The following TASP1 variants were observed in gnomAD, a reference collection of about 807,000 sequenced individuals.
The protein encoded by TASP1 is taspase 1.
Under a neutral mutation model 56.6 loss-of-function variants are expected in TASP1, and 16 were observed. The ratio of observed to expected loss-of-function variants is 0.28; its 90% CI spans 0.19 to 0.43. TASP1 has a LOEUF of 0.43. Among genes scored for constraint, TASP1 ranks in the 20% least tolerant of loss-of-function variants. The pLI, the probability that TASP1 is intolerant of heterozygous loss-of-function variation, is 1.00. For missense variants in TASP1, 393 were observed against 511.6 expected (o/e 0.77, Z 2.24); for synonymous variants, 179 against 184.2 (o/e 0.97, Z 0.23).
At chr20:13,248,326 G>A in the TASP1 span, among the ~76,000 whole-genome samples, 1 of 152,204 alleles carries the variant, frequency 6.6e-6, no homozygotes, top group African/African-American at 2.4e-5. Flanking sequence ...TGCATTGCTG[G>A]TGTGTGAACT....
chr20:13,320,964 C>T, the TASP1 span, among the ~76,000 whole-genome samples: 1 of 151,862 alleles, frequency 6.6e-6, no homozygotes, highest in Non-Finnish European at 1.5e-5. Context: ...TTTGGGAGGC[C>T]GAGGCTGGTG....
At chr20:13,193,194 A>G in the TASP1 span, among the ~76,000 whole-genome samples, 1 of 152,238 alleles carries the variant, frequency 6.6e-6, no homozygotes, top group African/African-American at 2.4e-5. Context: ...GCAAAGAAGC[A>G]AAGAGAAATA....
chr20:13,258,257 TTAGG>T, the TASP1 span, among the ~76,000 whole-genome samples: 34 of 152,238 alleles, frequency 2.2e-4, no homozygotes, highest in Admixed American at 9.2e-4. Flanking sequence ...TTGGCCAATG[TTAGG>T]CATGGCAGGA....
chr20:13,498,948 G>A (rs545331870), intron 10 of TASP1, among the ~76,000 whole-genome samples: 1 of 152,148 alleles, frequency 6.6e-6, no homozygotes, highest in Admixed American at 6.5e-5. Context: ...ACATGACCCA[G>A]CAATCCCATT....
chr20:13,599,232 C>T (rs937915323), intron 4 of TASP1, among the ~76,000 whole-genome samples: 2 of 152,042 alleles, frequency 1.3e-5, no homozygotes, highest in African/African-American at 2.4e-5. Flanking sequence ...TGCACACATA[C>T]GTTTATTTCA....
chr20:13,260,744 GAATA>G, the TASP1 span, among the ~76,000 whole-genome samples: 1 of 152,108 alleles, frequency 6.6e-6, no homozygotes, highest in Non-Finnish European at 1.5e-5. Flanking sequence ...TCATTTCACA[GAATA>G]AATAACCAAG....
chr20:13,608,936 T>C (rs992455918), intron 4 of TASP1, among the ~76,000 whole-genome samples: 4 of 152,156 alleles, frequency 2.6e-5, no homozygotes, highest in Non-Finnish European at 4.4e-5. Flanking sequence ...AGGTAAGCAA[T>C]AGGAGTACTG....
chr20:13,247,230 C>G, the TASP1 span, among the ~76,000 whole-genome samples: 1 of 151,644 alleles, frequency 6.6e-6, no homozygotes, highest in Middle Eastern at 3.2e-3. Context: ...GAATCTCCGT[C>G]TCAAAAAAAA....
intron 11 of TASP1, among the ~76,000 whole-genome samples, chr20:13,451,326 C>T (rs2043608870): frequency 6.6e-6 from 1 of 152,052 alleles, no homozygotes; most frequent in African/African-American, 2.4e-5. Flanking sequence ...AGCATGTTCT[C>T]AGAAGCCAAG....
the TASP1 span, among the ~76,000 whole-genome samples, chr20:13,243,811 C>G: frequency 6.6e-6 from 1 of 152,120 alleles, no homozygotes; most frequent in African/African-American, 2.4e-5. Flanking sequence ...TTGTTACAAC[C>G]CATTTGATAT....
At chr20:13,108,436 T>C in the TASP1 span, among the ~76,000 whole-genome samples, 1 of 152,166 alleles carries the variant, frequency 6.6e-6, no homozygotes, top group African/African-American at 2.4e-5. Context: ...AAAGACAAAG[T>C]TGAAGGGCTC....
At chr20:13,260,368 T>C in the TASP1 span, among the ~76,000 whole-genome samples, 2 of 152,172 alleles carry the variant, frequency 1.3e-5, no homozygotes, top group African/African-American at 4.8e-5. Context: ...AAACTGGCAA[T>C]GAAGCTATTA....
the TASP1 span, among the ~76,000 whole-genome samples, chr20:13,325,557 C>G: frequency 6.6e-6 from 1 of 152,106 alleles, no homozygotes; most frequent in Non-Finnish European, 1.5e-5. Context: ...GAACAGTTAC[C>G]TAGTTGTCCC....
At chr20:13,331,842 A>C in the TASP1 span, among the ~76,000 whole-genome samples, 2 of 152,272 alleles carry the variant, frequency 1.3e-5, no homozygotes, top group East Asian at 3.9e-4. Flanking sequence ...GACTGTGACC[A>C]TCTTGCTCAC....
intron 11 of TASP1, among the ~76,000 whole-genome samples, chr20:13,447,045 C>T (rs1340917964): frequency 6.6e-6 from 1 of 152,094 alleles, no homozygotes; most frequent in African/African-American, 2.4e-5. Context: ...ATCTATAGGA[C>T]ATATTTCTAA....
chr20:13,240,514 G>C, the TASP1 span, among the ~76,000 whole-genome samples: 1 of 152,162 alleles, frequency 6.6e-6, no homozygotes, highest in Non-Finnish European at 1.5e-5. Context: ...GCATGACTAA[G>C]GGATGGAAAA....
At chr20:13,303,686 A>C in the TASP1 span, among the ~76,000 whole-genome samples, 2 of 152,212 alleles carry the variant, frequency 1.3e-5, no homozygotes, top group Non-Finnish European at 2.9e-5. Flanking sequence ...CAGACAAGTT[A>C]ATACATTGGC....
At chr20:13,305,608 C>T in the TASP1 span, among the ~76,000 whole-genome samples, 17 of 152,162 alleles carry the variant, frequency 1.1e-4, no homozygotes, top group Non-Finnish European at 5.9e-5. Context: ...TGGGTATATA[C>T]AGAAACATAC....
At chr20:13,392,832 T>C (rs1444663390) in intron 13 of TASP1, 6 of 655,580 alleles carry the variant, frequency 9.2e-6, no homozygotes, top group African/African-American at 1.8e-5. Context: ...ATTCCACCCA[T>C]GGCAAATCCC....
Sources: allele counts gnomAD v4.1 joint callset (sites outside exome capture counted in the v4.1 genomes callset), GRCh38; gene constraint gnomAD v4.1.1; transcripts MANE v1.5; gene names NCBI Gene and HGNC (gene_info 2026-07-23, HGNC 2026-07-21).